The following GNG2 variants were observed in gnomAD, a reference collection of about 807,000 sequenced individuals.
GNG2 encodes the protein guanine nucleotide-binding protein G(I)/G(S)/G(O) subunit gamma-2.
Under a neutral mutation model 5.5 loss-of-function variants are expected in GNG2, and 5 were observed. That is an observed-to-expected ratio of 0.91 (90% CI 0.48 to 1.92). The LOEUF (loss-of-function observed/expected upper bound fraction) is 1.92, where lower values mean the gene tolerates loss of function less well. GNG2 is among the 30% of genes most tolerant of loss of function. The pLI, the probability that GNG2 is intolerant of heterozygous loss-of-function variation, is 0.01. For missense variants in GNG2, 55 were observed against 88.4 expected (o/e 0.62, Z 1.52); for synonymous variants, 28 against 32.0 (o/e 0.88, Z 0.42).
chr14:51,942,194 A>C (rs971349370), intron 2 of GNG2, among the ~76,000 whole-genome samples: 2 of 152,234 alleles, frequency 1.3e-5, no homozygotes, highest in Admixed American at 1.3e-4. Flanking sequence ...ATAAGACATA[A>C]GAATATAAAA....
intron 2 of GNG2, among the ~76,000 whole-genome samples, chr14:51,888,665 C>G (rs1884627759): frequency 6.6e-6 from 1 of 152,150 alleles, no homozygotes; most frequent in Non-Finnish European, 1.5e-5. Context: ...CAGCTGACGT[C>G]TCCATTAACA....
intron 2 of GNG2, among the ~76,000 whole-genome samples, chr14:51,944,941 C>T (rs556800823): frequency 3.3e-5 from 5 of 152,152 alleles, no homozygotes; most frequent in African/African-American, 1.2e-4. Context: ...ACAACAATAA[C>T]AACAAAAACC....
chr14:51,892,309 A>C (rs938014290), intron 2 of GNG2, among the ~76,000 whole-genome samples: 1 of 150,898 alleles, frequency 6.6e-6, no homozygotes, highest in Admixed American at 6.6e-5. Flanking sequence ...TCTTTTATTT[A>C]TTTTATTTTA....
intron 2 of GNG2, among the ~76,000 whole-genome samples, chr14:51,926,599 T>G (rs1887337768): frequency 6.6e-6 from 1 of 152,190 alleles, no homozygotes; most frequent in African/African-American, 2.4e-5. Flanking sequence ...CCTACCGGCC[T>G]GCGCACTGGG....
chr14:51,861,577 T>C (rs891925071), intron 1 of GNG2, among the ~76,000 whole-genome samples: 3 of 152,226 alleles, frequency 2.0e-5, no homozygotes, highest in African/African-American at 7.2e-5. Context: ...GCTGGGTTGT[T>C]TCCTTACGCG....
intron 2 of GNG2, among the ~76,000 whole-genome samples, chr14:51,902,395 G>T (rs1316892391): frequency 6.6e-6 from 1 of 152,204 alleles, no homozygotes; most frequent in Non-Finnish European, 1.5e-5. Context: ...GTAAAGACAG[G>T]TGGAGGAGAG....
intron 2 of GNG2, among the ~76,000 whole-genome samples, chr14:51,842,453 C>A (rs563506041): frequency 1.3e-5 from 2 of 152,148 alleles, no homozygotes; most frequent in Non-Finnish European, 2.9e-5. Context: ...ATTTCTTTTG[C>A]AGCAGCCGCA....
intron 2 of GNG2, among the ~76,000 whole-genome samples, chr14:51,848,227 A>T (rs537186305): frequency 5.1e-4 from 77 of 151,958 alleles, no homozygotes; most frequent in Non-Finnish European, 9.7e-4. Context: ...CCAAGCCAAC[A>T]TCATCTTTCT....
Position 51,912,229 on chromosome 14 carries a change from G to A in GNG2, c.-30+34572G>A, listed in dbSNP as rs139573782. Among the ~76,000 whole-genome samples, 88 of 152,150 alleles carry A rather than the reference G, an allele frequency of 5.8e-4. 1 individual carries two copies. Among genetic ancestry groups the A allele is most frequent in the African/African-American group, 2.0e-3 (82 of 41,492 alleles). ...ATAAATGTTAGCTTTCATTATTCTT[G>A]GGAGATGGGGAAGAAAGAATGGGGG... On this transcript the variant is annotated intron_variant, in intron 2 of 3. Transcript: ENST00000556766.
chr14:51,899,600 C>G (rs941361717), intron 2 of GNG2, among the ~76,000 whole-genome samples: 4 of 152,048 alleles, frequency 2.6e-5, no homozygotes, highest in Admixed American at 2.6e-4. Flanking sequence ...ACAGTGAAAC[C>G]CCCATCTCTA....
chr14:51,851,066 T>C (rs1881886602), intron 2 of GNG2, among the ~76,000 whole-genome samples: 1 of 152,194 alleles, frequency 6.6e-6, no homozygotes, highest in Non-Finnish European at 1.5e-5. Context: ...TCCCAGTTAA[T>C]TGATTATAAG....
chr14:51,960,801 A>C (rs1889568214), intron 3 of GNG2, among the ~76,000 whole-genome samples: 1 of 152,138 alleles, frequency 6.6e-6, no homozygotes, highest in Non-Finnish European at 1.5e-5. Flanking sequence ...GACTCTACTC[A>C]ATGTCTTGTG....
At chr14:51,925,706 G>A (rs1422532090) in intron 2 of GNG2, among the ~76,000 whole-genome samples, 2 of 152,088 alleles carry the variant, frequency 1.3e-5, no homozygotes, top group African/African-American at 4.8e-5. Context: ...CCGCCTCCCA[G>A]GTTCAAGTGA....
In GNG2 at chr14:51,925,114, A is replaced by T. The variant is rs180884649; in HGVS notation, c.-29-25536A>T. 3.8e-3 allele frequency among the ~76,000 whole-genome samples: 572 copies of T among 152,312 alleles called. 5 individuals carry two copies. Among genetic ancestry groups the T allele is most frequent in the African/African-American group, 0.013 (553 of 41,560 alleles). On this transcript the variant is annotated intron_variant, in intron 2 of 3. Coordinates refer to ENST00000556766, the MANE Select transcript of GNG2 (RefSeq NM_053064.5). ...TATTTTCAAACAGCTACAAGAGAGGATTTTTGAATGTTCACAATGCAAAGA... is the reference window on the plus strand; with the variant it reads ...TATTTTCAAACAGCTACAAGAGAGGTTTTTTGAATGTTCACAATGCAAAGA...
chr14:51,843,627 C>A (rs573470591), intron 2 of GNG2, among the ~76,000 whole-genome samples: 2 of 152,124 alleles, frequency 1.3e-5, no homozygotes, highest in Admixed American at 1.3e-4. Flanking sequence ...CTGCTCCTGC[C>A]CTCAACCCTA....
At chr14:51,852,041 A>AC (rs1881930638) in intron 2 of GNG2, among the ~76,000 whole-genome samples, 1 of 22,442 alleles carries the variant, frequency 4.5e-5, no homozygotes, top group Non-Finnish European at 1.5e-3. Context: ...TTTAGCAGTG[A>AC]GGGTGTACGT....
intron 2 of GNG2, among the ~76,000 whole-genome samples, chr14:51,855,005 T>G (rs1206605363): frequency 6.6e-6 from 1 of 152,146 alleles, no homozygotes; most frequent in Admixed American, 6.5e-5. Context: ...CTTCCTCTCC[T>G]CATCAACATT....
chr14:51,830,083 C>T (rs28590070), intron 2 of GNG2, among the ~76,000 whole-genome samples: 18,558 of 152,142 alleles, frequency 0.12, 1,608 homozygotes, highest in African/African-American at 0.24. Flanking sequence ...CCTCGTGATC[C>T]GCCCACCTCA....
intron 2 of GNG2, among the ~76,000 whole-genome samples, chr14:51,908,156 C>G (rs1235516212): frequency 6.6e-6 from 1 of 152,204 alleles, no homozygotes; most frequent in Non-Finnish European, 1.5e-5. Context: ...GGATCTGGTT[C>G]TAAGCTCATT....
Sources: allele counts gnomAD v4.1 joint callset (sites outside exome capture counted in the v4.1 genomes callset), GRCh38; gene constraint gnomAD v4.1.1; transcripts MANE v1.5; gene names NCBI Gene and HGNC (gene_info 2026-07-23, HGNC 2026-07-21).